The following SPATA13 variants were observed in gnomAD, a reference collection of about 807,000 sequenced individuals.
SPATA13 encodes the protein spermatogenesis-associated protein 13.
A neutral mutation model predicts 104.0 loss-of-function variants in SPATA13; 50 were observed. The observed-to-expected ratio is 0.48, with a 90% CI of 0.38 to 0.61. The LOEUF (loss-of-function observed/expected upper bound fraction) is 0.61. Ranked by LOEUF, SPATA13 falls within the 20% of genes least tolerant of loss-of-function variation. SPATA13 has a pLI of 0.00. For missense variants in SPATA13, 1,524 were observed against 1,690.6 expected (o/e 0.90, Z 1.73); for synonymous variants, 606 against 667.5 (o/e 0.91, Z 1.42).
chr13:24,018,831 G>A (rs987799751), intron 3 of SPATA13, among the ~76,000 whole-genome samples: 16 of 152,144 alleles, frequency 1.1e-4, no homozygotes, highest in African/African-American at 3.4e-4. Context: ...TGTATCATAC[G>A]AGTGGATTAT....
intron 1 of SPATA13, among the ~76,000 whole-genome samples, chr13:24,185,724 G>GTTTTTT (rs34688488): frequency 6.7e-6 from 1 of 148,498 alleles, no homozygotes. Flanking sequence ...AATAGATGCA[G>GTTTTTT]TTTTTTTTTT....
Position 24,099,929 on chromosome 13 carries a change from T to C in SPATA13, c.-112+82228T>C, listed in dbSNP as rs576217264. 4.4e-4 allele frequency among the ~76,000 whole-genome samples: 67 copies of C among 152,282 alleles called. 1 individual carries two copies. Among genetic ancestry groups the C allele is most frequent in the Middle Eastern group, 3.4e-3 (1 of 294 alleles). On this transcript the variant is annotated intron_variant, in intron 3 of 14. Coordinates refer to the SPATA13 transcript ENST00000424834. ...GCTACGAAGAAATGCAAAGACGCCA[T>C]TTCTCTAAAAGCAGGGCAATGATTT... is the stretch of plus-strand genomic sequence containing the variant.
chr13:23,998,008 T>C (rs1182207668), intron 2 of SPATA13, among the ~76,000 whole-genome samples: 1 of 152,218 alleles, frequency 6.6e-6, no homozygotes, highest in Non-Finnish European at 1.5e-5. Flanking sequence ...TGGGCTATGA[T>C]GAGTAAAGCT....
chr13:24,128,838 C>A (rs968243422), intron 3 of SPATA13, among the ~76,000 whole-genome samples: 1 of 151,966 alleles, frequency 6.6e-6, no homozygotes, highest in African/African-American at 2.4e-5. Flanking sequence ...ACATTTCTTG[C>A]AAGCAAAATG....
At chr13:24,032,271 C>G (rs937784136) in intron 3 of SPATA13, among the ~76,000 whole-genome samples, 1 of 152,196 alleles carries the variant, frequency 6.6e-6, no homozygotes, top group Non-Finnish European at 1.5e-5. Context: ...CTTGCCCATG[C>G]TGTATTCAAC....
At chr13:24,234,904 T>TTATTGC (rs1352336503) in intron 2 of SPATA13, among the ~76,000 whole-genome samples, 2 of 152,208 alleles carry the variant, frequency 1.3e-5, no homozygotes, top group Non-Finnish European at 2.9e-5. Context: ...TGTCCTAGTT[T>TTATTGC]TATTGCTAAC....
intron 2 of SPATA13, among the ~76,000 whole-genome samples, chr13:24,006,439 C>T (rs916391866): frequency 1.4e-4 from 21 of 152,316 alleles, no homozygotes; most frequent in Non-Finnish European, 1.0e-4. Context: ...ACAAGACAAA[C>T]ATGTTTCCAG....
At chr13:24,141,577 A>G (rs1881762675) in intron 3 of SPATA13, among the ~76,000 whole-genome samples, 1 of 152,180 alleles carries the variant, frequency 6.6e-6, no homozygotes, top group Admixed American at 6.5e-5. Flanking sequence ...GAGCTTATCC[A>G]GATAACAATC....
chr13:24,085,444 A>G (rs566104180), intron 3 of SPATA13, among the ~76,000 whole-genome samples: 24 of 152,050 alleles, frequency 1.6e-4, no homozygotes, highest in Non-Finnish European at 3.4e-4. Context: ...GCTTTTTAAT[A>G]AGCAACATTG....
chr13:24,183,604 CATT>C (rs756393724), intron 1 of SPATA13, among the ~76,000 whole-genome samples: 1,348 of 69,974 alleles, frequency 0.019, 12 homozygotes, highest in Admixed American at 0.031. Context: ...GATTTCTTTA[CATT>C]TTTTTTTTTT....
At chr13:24,248,368 A>G (rs1184121314) in intron 2 of SPATA13, among the ~76,000 whole-genome samples, 1 of 152,212 alleles carries the variant, frequency 6.6e-6, no homozygotes, top group Non-Finnish European at 1.5e-5. Context: ...GACTTGCCTG[A>G]GATTGCACTA....
At chr13:24,159,326 G>T (rs886385489), upstream of SPATA13, among the ~76,000 whole-genome samples, 15 of 152,056 alleles carry the variant, frequency 9.9e-5, no homozygotes, top group African/African-American at 3.6e-4. Context: ...AAAACTTGGG[G>T]TAATTTCAAT....
At chr13:24,240,751 A>G (rs1872791876) in intron 2 of SPATA13, among the ~76,000 whole-genome samples, 1 of 152,206 alleles carries the variant, frequency 6.6e-6, no homozygotes, top group African/African-American at 2.4e-5. Flanking sequence ...GAACTACCAT[A>G]TCAGTCTATA....
chr13:24,178,604 G>A (rs1868593201), intron 1 of SPATA13, among the ~76,000 whole-genome samples: 1 of 152,004 alleles, frequency 6.6e-6, no homozygotes. Context: ...ACAAATAGAG[G>A]ATCAAAAAAC....
intron 1 of SPATA13, among the ~76,000 whole-genome samples, chr13:24,170,618 ACT>A (rs1407004056): frequency 6.8e-6 from 1 of 147,966 alleles, no homozygotes; most frequent in African/African-American, 2.4e-5. Flanking sequence ...TTTGAAGAAC[ACT>A]CTGTGTGAAT....
At chr13:24,202,454 T>C (rs1870464936) in intron 1 of SPATA13, among the ~76,000 whole-genome samples, 1 of 151,870 alleles carries the variant, frequency 6.6e-6, no homozygotes, top group Non-Finnish European at 1.5e-5. Flanking sequence ...GAGTGTGTGC[T>C]TGGGCGCTTT....
At position 24,170,070 on chromosome 13, in the gene SPATA13, G is replaced by A. The variant is rs558892439; in HGVS notation, c.-112+9138G>A. ...CAGTACACAGAAGTGAGAATGGTTTGACAGTACAAGGTCCCATCTTCAGTT... is the reference window on the plus strand; with the variant it reads ...CAGTACACAGAAGTGAGAATGGTTTAACAGTACAAGGTCCCATCTTCAGTT... On this transcript the variant is annotated intron_variant, in intron 1 of 12. Coordinates refer to ENST00000382108, the MANE Select transcript of SPATA13 (RefSeq NM_001166271.3). Among the ~76,000 whole-genome samples, 4 of 152,336 alleles carry A rather than the reference G, an allele frequency of 2.6e-5. No homozygotes were observed. The South Asian group carries it at 8.3e-4, about 32-fold the overall frequency.
chr13:24,214,465 T>C (rs142343700), intron 1 of SPATA13, among the ~76,000 whole-genome samples: 32 of 152,328 alleles, frequency 2.1e-4, no homozygotes, highest in African/African-American at 7.5e-4. Context: ...CATGTGCTTC[T>C]CTAAAAGTAA....
intron 3 of SPATA13, among the ~76,000 whole-genome samples, chr13:24,152,833 T>TTCTC: frequency 6.6e-6 from 1 of 151,948 alleles, no homozygotes; most frequent in African/African-American, 2.4e-5. Context: ...TGAAGCAGCT[T>TTCTC]TCTCTCTCTC....
Sources: gnomAD v4.1 joint callset for allele counts (sites outside exome capture counted in the v4.1 genomes callset) on GRCh38, gnomAD v4.1.1 for gene constraint, MANE v1.5 for transcripts, NCBI Gene and HGNC (gene_info 2026-07-23, HGNC 2026-07-21) for gene names.